C2orf76: variants seen among roughly 807,000 people sequenced by gnomAD.
The protein encoded by C2orf76 is UPF0538 protein C2orf76.
In C2orf76, 23 loss-of-function variants were observed where a neutral mutation model predicts 16.9. The ratio of observed to expected loss-of-function variants is 1.36; its 90% confidence interval spans 0.98 to 1.93. The LOEUF is 1.93. Ranked by LOEUF, C2orf76 falls within the 30% of genes most tolerant of loss-of-function variation. C2orf76 has a pLI of 0.00. For missense variants in C2orf76, 152 were observed against 152.6 expected (o/e 1.00, Z 0.02); for synonymous variants, 48 against 52.3 (o/e 0.92, Z 0.35).
At chr2:119,323,660 C>A (rs1190180380) in intron 2 of C2orf76, among the ~76,000 whole-genome samples, 1 of 152,054 alleles carries the variant, frequency 6.6e-6, no homozygotes, top group African/African-American at 2.4e-5. Context: ...ACAAAAAAAA[C>A]CCTGAGATGA....
intron 2 of C2orf76, among the ~76,000 whole-genome samples, chr2:119,327,260 G>C (rs1175915968): frequency 6.7e-6 from 1 of 150,142 alleles, no homozygotes; most frequent in Non-Finnish European, 1.5e-5. Context: ...AGCAGGAATG[G>C]ATTTTGGATT....
chr2:119,315,968 C>T (rs1393988524), intron 4 of C2orf76, among the ~76,000 whole-genome samples: 1 of 152,148 alleles, frequency 6.6e-6, no homozygotes, highest in East Asian at 1.9e-4. Context: ...TAATTTACTA[C>T]TTACTCCTTT....
chr2:119,348,803 C>G (rs1162953346), intron 1 of C2orf76, among the ~76,000 whole-genome samples: 3 of 152,330 alleles, frequency 2.0e-5, no homozygotes, highest in Admixed American at 2.0e-4. Context: ...AACAGACCAG[C>G]CTGGGCAACA....
At chr2:119,354,143 G>A (rs77022334) in intron 1 of C2orf76, among the ~76,000 whole-genome samples, 2,099 of 152,172 alleles carry the variant, frequency 0.014, 25 homozygotes, top group Non-Finnish European at 0.021. Flanking sequence ...GTACAATTAC[G>A]TGTCAATTAA....
intron 2 of C2orf76, among the ~76,000 whole-genome samples, chr2:119,335,158 G>T (rs72829496): frequency 1.5e-3 from 234 of 152,268 alleles, no homozygotes; most frequent in Admixed American, 6.4e-3. Flanking sequence ...AATATTTATA[G>T]ATATGTACAT....
At chr2:119,294,683 G>C in the C2orf76 span, among the ~76,000 whole-genome samples, 2 of 152,100 alleles carry the variant, frequency 1.3e-5, no homozygotes, top group Admixed American at 6.6e-5. Context: ...CAGAGTTGAG[G>C]GTCTAAAGGA....
At chr2:119,303,220 G>T (rs1315790382) in intron 5 of C2orf76, among the ~76,000 whole-genome samples, 1 of 152,324 alleles carries the variant, frequency 6.6e-6, no homozygotes, top group East Asian at 1.9e-4. Flanking sequence ...AAGGTTCAGA[G>T]CAGTCACAAT....
intron 3 of C2orf76, among the ~76,000 whole-genome samples, chr2:119,318,680 C>G (rs1679254002): frequency 6.6e-6 from 1 of 152,080 alleles, no homozygotes; most frequent in Admixed American, 6.5e-5. Flanking sequence ...CAGGCTCCCA[C>G]CACCACACCT....
At chr2:119,288,158 A>ATTTTT in the C2orf76 span, among the ~76,000 whole-genome samples, 3,534 of 140,210 alleles carry the variant, frequency 0.025, 101 homozygotes, top group East Asian at 0.13. Context: ...TTATACTTCA[A>ATTTTT]TTTTTTTTTT....
rs1553448070 is a variant in C2orf76, at chr2:119,334,703, A to AATAT, written c.133+5120_133+5123dup. Among the ~76,000 whole-genome samples the AATAT allele has an allele frequency of 5.9e-3, 861 of 146,170 alleles. 7 individuals are homozygous for AATAT. Among genetic ancestry groups the AATAT allele is most frequent in the African/African-American group, 0.014 (549 of 39,802 alleles). ...GAGACTCTCTCTCAGAAAAAAACAA[A>AATAT]ATATATATATATATATATTTAAGAA... On this transcript the variant is annotated intron_variant, in intron 2 of 5. Transcript: ENST00000334816.
At chr2:119,292,234 C>T in the C2orf76 span, among the ~76,000 whole-genome samples, 1 of 152,156 alleles carries the variant, frequency 6.6e-6, no homozygotes, top group African/African-American at 2.4e-5. Context: ...TTAATTTGTA[C>T]AGTTGTACAA....
At position 119,339,813 on chromosome 2, in the gene C2orf76, T is replaced by C; in HGVS notation, c.133+14A>G. 6.3e-7 allele frequency: 1 copy of C among 1,581,300 alleles called. No individual in the cohort carries two copies. Among genetic ancestry groups the C allele is most frequent in the Non-Finnish European group, 8.7e-7 (1 of 1,153,938 alleles). ...AAACTACTAGTAAAACAAAATGGCT[T>C]TCACATCTCATACCTTGCTTTAGAA... is the stretch of plus-strand genomic sequence containing the variant. On this transcript the variant is annotated intron_variant, in intron 2 of 5. Transcript: ENST00000334816.
intron 2 of C2orf76, among the ~76,000 whole-genome samples, chr2:119,334,182 C>G (rs13406811): frequency 0.052 from 7,835 of 151,894 alleles, 261 homozygotes; most frequent in African/African-American, 0.078. Context: ...GGAAAAGATA[C>G]AGAGATAAGA....
intron 5 of C2orf76, among the ~76,000 whole-genome samples, chr2:119,307,530 C>G (rs868093248): frequency 4.6e-5 from 7 of 152,026 alleles, no homozygotes; most frequent in Non-Finnish European, 8.8e-5. Flanking sequence ...CCCTCATCTC[C>G]TTCCCCAGGT....
At chr2:119,351,722 C>T (rs1050714928) in intron 1 of C2orf76, among the ~76,000 whole-genome samples, 46 of 152,008 alleles carry the variant, frequency 3.0e-4, no homozygotes, top group African/African-American at 1.1e-3. Flanking sequence ...CCACTATACT[C>T]CAGCCCCAGC....
intron 2 of C2orf76, among the ~76,000 whole-genome samples, chr2:119,328,847 CTAT>C (rs534726734): frequency 1.3e-5 from 2 of 152,096 alleles, no homozygotes; most frequent in South Asian, 4.1e-4. Context: ...GACCCTTAGG[CTAT>C]TTAGAAGTGT....
chr2:119,361,706 C>A (rs1403764617), intron 1 of C2orf76, among the ~76,000 whole-genome samples: 1 of 152,078 alleles, frequency 6.6e-6, no homozygotes, highest in Non-Finnish European at 1.5e-5. Flanking sequence ...TATTGACAGA[C>A]AACCATGTAG....
At chr2:119,319,057 G>C (rs954988914) in intron 3 of C2orf76, among the ~76,000 whole-genome samples, 2 of 151,806 alleles carry the variant, frequency 1.3e-5, no homozygotes, top group East Asian at 3.9e-4. Flanking sequence ...TTTATTATTT[G>C]AGACAAGTGA....
At chr2:119,308,399 G>A (rs890931351) in intron 5 of C2orf76, among the ~76,000 whole-genome samples, 2 of 152,242 alleles carry the variant, frequency 1.3e-5, no homozygotes, top group East Asian at 1.9e-4. Flanking sequence ...CCAGCACTTT[G>A]GGAGGCCAAG....
Sources: allele counts gnomAD v4.1 joint callset (sites outside exome capture counted in the v4.1 genomes callset), GRCh38; gene constraint gnomAD v4.1.1; transcripts MANE v1.5; gene names NCBI Gene and HGNC (gene_info 2026-07-23, HGNC 2026-07-21).